BRCA2: variants seen among roughly 807,000 people sequenced by gnomAD.
BRCA2 encodes the protein breast cancer type 2 susceptibility protein.
A neutral mutation model predicts 276.7 loss-of-function variants in BRCA2; 203 were observed. That is an observed-to-expected ratio of 0.73 (90% CI 0.65 to 0.82). BRCA2 has a LOEUF of 0.82. Among genes scored for constraint, BRCA2 ranks in the 40% least tolerant of loss-of-function variants. The probability of loss-of-function intolerance (pLI) is 0.00; values close to 1 mark genes in which losing one functional copy is unlikely to be tolerated. For synonymous variants in BRCA2, 1,289 were observed against 1,338.4 expected (o/e 0.96, Z 0.81); for missense variants, 3,920 against 3,915.0 (o/e 1.00, Z -0.03).
At chr13:32,322,367 G>A (rs2072311662) in intron 3 of BRCA2, among the ~76,000 whole-genome samples, 1 of 152,174 alleles carries the variant, frequency 6.6e-6, no homozygotes, top group African/African-American at 2.4e-5. Context: ...GGTGTGGAGT[G>A]GGAAATCAGG....
At chr13:32,346,402 C>T (rs2072611035) in intron 12 of BRCA2, among the ~76,000 whole-genome samples, 1 of 151,942 alleles carries the variant, frequency 6.6e-6, no homozygotes, top group Non-Finnish European at 1.5e-5. Context: ...CTGGCTGTGT[C>T]AGTGTTTCCT....
chr13:32,316,627 C>T (rs2072263693), intron 2 of BRCA2, 100 bp downstream of exon 2: 1 of 1,004,192 alleles, frequency 1.0e-6, no homozygotes, highest in Admixed American at 2.0e-5. Flanking sequence ...TGCTTAGAAC[C>T]ATAAACTGTT....
intron 24 of BRCA2, among the ~76,000 whole-genome samples, chr13:32,382,658 T>C (rs2072931995): frequency 6.6e-6 from 1 of 152,168 alleles, no homozygotes; most frequent in Non-Finnish European, 1.5e-5. Flanking sequence ...ATTTCAAGGA[T>C]TTTTGCTTTA....
intron 24 of BRCA2, among the ~76,000 whole-genome samples, chr13:32,383,770 G>T (rs367637605): frequency 1.4e-5 from 2 of 145,884 alleles, no homozygotes; most frequent in East Asian, 4.1e-4. Context: ...TTTGAGTTAG[G>T]GTTTTAGAGG....
intron 3 of BRCA2, among the ~76,000 whole-genome samples, chr13:32,323,044 T>G (rs1328777533): frequency 6.6e-6 from 1 of 152,248 alleles, no homozygotes; most frequent in Non-Finnish European, 1.5e-5. Flanking sequence ...CAGCAGTGAA[T>G]GAGAGTTCTT....
chr13:32,322,530 G>A (rs1257369934), intron 3 of BRCA2, among the ~76,000 whole-genome samples: 1 of 152,194 alleles, frequency 6.6e-6, no homozygotes, highest in Non-Finnish European at 1.5e-5. Flanking sequence ...TGTCCTTAAG[G>A]CACAGGTCGC....
chr13:32,341,837 C>T (rs1410831179), intron 11 of BRCA2, among the ~76,000 whole-genome samples: 1 of 149,998 alleles, frequency 6.7e-6, no homozygotes, highest in African/African-American at 2.5e-5. Flanking sequence ...CACTGCACTC[C>T]AGCCTGGGCG....
rs897872098 is a variant in BRCA2, at chr13:32,329,851, T to C, written c.681+359T>C. On this transcript the variant is annotated intron_variant, in intron 8 of 26. Transcript: ENST00000380152. ...TCTTTTTTTCTATAAGCACATACCC[T>C]GTGATAAAGTTTAATTCATAAATTA... Among the ~76,000 whole-genome samples the C allele has an allele frequency of 5.9e-5, 9 of 152,168 alleles. No individual in the cohort carries two copies. The South Asian group carries it at 1.2e-3, about 21-fold the overall frequency.
chr13:32,388,747 A>G (rs1218944359), intron 24 of BRCA2, among the ~76,000 whole-genome samples: 3 of 151,380 alleles, frequency 2.0e-5, no homozygotes, highest in East Asian at 1.9e-4. Flanking sequence ...TAATGTTTGC[A>G]GAGTATATCT....
At position 32,326,028 on chromosome 13, in the gene BRCA2, T is replaced by C. The variant is rs1321951332; in HGVS notation, c.426-73T>C. On this transcript the variant is annotated intron_variant, in intron 4 of 26. Coordinates refer to ENST00000380152, the MANE Select transcript of BRCA2 (RefSeq NM_000059.4). The stretch of plus-strand genomic sequence containing the variant: ...CAATTTATATGAATGAGAATCTTCT[T>C]TTAAAAATAAGATAAACTAGTTTTT... The C allele has an allele frequency of 2.0e-5, 26 of 1,329,370 alleles. No individual in the cohort carries two copies. In the Admixed American group the frequency reaches 4.6e-4, roughly 23 times the overall value. 82.3% of individuals were successfully genotyped at this position (1,329,370 alleles called of 1,614,324 possible). A position where few individuals can be genotyped will look rare whatever the true frequency, so the allele number is the denominator to read the frequency against.
chr13:32,398,164 G>A lies in BRCA2; in HGVS notation c.9651G>A (p.Met3217Ile), dbSNP rs431825379. The A allele has an allele frequency of 3.1e-6, 5 of 1,606,606 alleles. No homozygotes were observed. The highest frequency in any genetic ancestry group is 1.7e-4 in the Middle Eastern group (1 of 6,038). The change falls in exon 27 of 27, where the codon ATG becomes ATA. Residue 3217 changes from methionine (M) to isoleucine (I), a missense_variant and splice_region_variant. Transcript: ENST00000380152. ...IIPGTGNKLL[M>I]SSPNCEIYYQ... The stretch of plus-strand genomic sequence containing the variant: ...CTACGTTTTCATTTTTTTATCAGAT[G>A]TCTTCTCCTAATTGTGAGATATATT...
chr13:32,380,083 T>C lies in BRCA2; in HGVS notation c.9194T>C (p.Phe3065Ser). 6.2e-7 allele frequency: 1 copy of C among 1,614,122 alleles called. No homozygotes were observed. Among genetic ancestry groups the C allele is most frequent in the Non-Finnish European group, 8.5e-7 (1 of 1,180,000 alleles). The change falls in exon 24 of 27, where the codon TTT (phenylalanine) becomes TCT (serine). Residue 3065 changes from phenylalanine to serine, a missense_variant. Physicochemically the swap from Phe to Ser is radical, Grantham distance 155. This residue lies in a region of BRCA2 where 657 missense variants were observed against 758.2 expected (regional missense o/e 0.87). Coordinates refer to ENST00000380152, the MANE Select transcript of BRCA2 (RefSeq NM_000059.4). ...LHFSKFLDPD[F>S]QPSCSEVDLI... ...TTCAGCAAATTTTTAGATCCAGACT[T>C]TCAGCCATCTTGTTCTGAGGTGGAC...
intron 24 of BRCA2, among the ~76,000 whole-genome samples, chr13:32,384,135 C>G (rs1353787339): frequency 2.6e-5 from 4 of 152,118 alleles, no homozygotes; most frequent in African/African-American, 9.7e-5. Context: ...TCTGATAACA[C>G]GAGGTTCAAA....
At position 32,339,951 on chromosome 13, in the gene BRCA2, T is replaced by C. The variant is rs80358779; in HGVS notation, c.5596T>C (p.Phe1866Leu). Residue 1866 changes from phenylalanine (F) to leucine (L), a missense_variant, in exon 11 of 27, where the codon TTT becomes CTT. Phe to Leu is a conservative substitution (Grantham distance 22). Transcript: ENST00000380152. ...HETIKKVKDI[F>L]TDSFSKVIKE... Reference sequence around the variant, plus strand: ...AACAATTAAAAAAGTGAAAGACATATTTACAGACAGTTTCAGTAAAGTAAT... The same window carrying C: ...AACAATTAAAAAAGTGAAAGACATACTTACAGACAGTTTCAGTAAAGTAAT... The C allele has an allele frequency of 6.2e-7, 1 of 1,609,682 alleles. No homozygotes were observed. Among genetic ancestry groups the C allele is most frequent in the Non-Finnish European group, 8.5e-7 (1 of 1,178,100 alleles).
In BRCA2 at chr13:32,336,437, T is replaced by C. The variant is rs777141329; in HGVS notation, c.2082T>C (p.Asn694=). Residue 694 remains asparagine, a synonymous_variant, in exon 11 of 27, where the codon AAT becomes AAC. Transcript: ENST00000380152. ...QDLDYKEAKC[N]KEKLQLFITP... is the part of the protein sequence containing the mutation. ...TTGATTATAAAGAAGCAAAATGTAA[T>C]AAGGAAAAACTACAGTTATTTATTA... 90 of 1,613,732 alleles carry C rather than the reference T, an allele frequency of 5.6e-5. No homozygotes were observed. The highest frequency in any genetic ancestry group is 7.3e-5 in the Non-Finnish European group (86 of 1,179,882).
intron 2 of BRCA2, among the ~76,000 whole-genome samples, chr13:32,317,965 T>C (rs2072275958): frequency 6.6e-6 from 1 of 152,264 alleles, no homozygotes; most frequent in African/African-American, 2.4e-5. Flanking sequence ...AAGTGCTTTA[T>C]GTATGCTTCC....
intron 18 of BRCA2, 55 bp from the exon 19 acceptor site, chr13:32,370,347 A>AT: frequency 6.6e-7 from 1 of 1,509,364 alleles, no homozygotes; most frequent in East Asian, 2.3e-5. Flanking sequence ...GATATCTGTA[A>AT]TAGAATTGAA....
chr13:32,361,596 G>C (rs1017566636), intron 16 of BRCA2, among the ~76,000 whole-genome samples: 10 of 152,154 alleles, frequency 6.6e-5, no homozygotes, highest in Admixed American at 1.3e-4. Flanking sequence ...GATGATGCAG[G>C]AGAGAGAGGA....
intron 26 of BRCA2, 55 bp from the exon 27 acceptor site, chr13:32,398,107 A>C (rs2137662171): frequency 6.5e-7 from 1 of 1,536,826 alleles, no homozygotes. Context: ...ACTTTGATTT[A>C]GTTTTTTATG....
Sources: allele counts gnomAD v4.1 joint callset (sites outside exome capture counted in the v4.1 genomes callset), GRCh38; gene constraint gnomAD v4.1.1; regional missense constraint gnomAD v4.1.1; transcripts MANE v1.5; gene names NCBI Gene and HGNC (gene_info 2026-07-23, HGNC 2026-07-21).